The following SVOP variants were observed in gnomAD, a reference collection of about 807,000 sequenced individuals.
SVOP encodes the protein synaptic vesicle 2-related protein.
Under a neutral mutation model 69.1 loss-of-function variants are expected in SVOP, and 17 were observed. The observed-to-expected ratio is 0.25, with a 90% CI of 0.17 to 0.37. SVOP has a LOEUF of 0.37. Among genes scored for constraint, SVOP ranks in the 10% least tolerant of loss-of-function variants. SVOP has a pLI of 1.00. For missense variants in SVOP, 435 were observed against 597.5 expected, an observed-to-expected ratio of 0.73 and a Z score of 2.84; for synonymous variants, 238 against 238.6, an observed-to-expected ratio of 1.00 and a Z score of 0.02.
At chr12:108,968,940 C>G (rs577178671) in intron 5 of SVOP, among the ~76,000 whole-genome samples, 4 of 152,156 alleles carry the variant, frequency 2.6e-5, no homozygotes, top group Non-Finnish European at 5.9e-5. Context: ...ACTACAGGTG[C>G]ATGCCACTGG....
At chr12:108,918,653 T>G (rs1019627122) in intron 13 of SVOP, among the ~76,000 whole-genome samples, 1 of 152,118 alleles carries the variant, frequency 6.6e-6, no homozygotes, top group Non-Finnish European at 1.5e-5. Context: ...CAGAGATCAA[T>G]AGAGGCATAA....
rs559888222 is a variant in SVOP at position 108,928,949 on chromosome 12, C to T, written c.1048+5246G>A. On this transcript the variant is annotated intron_variant, in intron 11 of 15. Coordinates refer to ENST00000610966, the MANE Select transcript of SVOP (RefSeq NM_018711.5). ...CCTATACCCAGAGAAAAAGAAAATCCTTATCTCCAAAGACACAGGGACAGA... is the reference window on the plus strand; with the variant it reads ...CCTATACCCAGAGAAAAAGAAAATCTTTATCTCCAAAGACACAGGGACAGA... Among the ~76,000 whole-genome samples the T allele has an allele frequency of 1.6e-4, 25 of 152,288 alleles. No homozygotes were observed. The South Asian group carries it at 4.1e-3, about 25-fold the overall frequency.
At chr12:108,965,511 G>A (rs766469913) in intron 5 of SVOP, among the ~76,000 whole-genome samples, 39 of 152,200 alleles carry the variant, frequency 2.6e-4, no homozygotes, top group Non-Finnish European at 3.4e-4. Context: ...ATGACAAAAT[G>A]TGGGTTCCAG....
chr12:108,936,978 C>T, intron 10 of SVOP: 2 of 379,264 alleles, frequency 5.3e-6, no homozygotes, highest in Admixed American at 4.0e-5. Context: ...GGGAGGATTG[C>T]TTGAGTTCAG....
intron 6 of SVOP, among the ~76,000 whole-genome samples, chr12:108,956,038 C>T (rs951595042): frequency 8.5e-5 from 13 of 152,100 alleles, no homozygotes; most frequent in East Asian, 5.8e-4. Context: ...CAGTGGCTCA[C>T]GCCTGTAATC....
chr12:108,994,895 G>A (rs1354678889), intron 1 of SVOP, among the ~76,000 whole-genome samples: 6 of 152,156 alleles, frequency 3.9e-5, no homozygotes, highest in African/African-American at 1.4e-4. Flanking sequence ...TCAGCACTTT[G>A]GGAGGCCAAG....
chr12:109,003,248 C>T (rs549124349), intron 1 of SVOP, among the ~76,000 whole-genome samples: 14 of 152,252 alleles, frequency 9.2e-5, no homozygotes, highest in African/African-American at 2.9e-4. Flanking sequence ...AGGGAAGACA[C>T]ATTTTTTTTG....
rs76609278 is a variant in SVOP, at chr12:108,915,795, C to T, written c.1428G>A (p.Pro476=). 40,223 of 1,605,404 alleles carry T rather than the reference C, an allele frequency of 0.025. 698 individuals are homozygous for T. Among genetic ancestry groups the T allele is most frequent in the East Asian group, 0.067 (2,967 of 44,344 alleles). Reference sequence around the variant, plus strand: ...GGGCAGCACCTACCTGGGCGATGAACGGAGTGATGAGAGCACCCACTCTTG... The same window carrying T: ...GGGCAGCACCTACCTGGGCGATGAATGGAGTGATGAGAGCACCCACTCTTG... ...GMARVGALIT[P]FIAQVMLESS... is the part of the protein sequence containing the mutation. Residue 476 remains proline (P), a synonymous_variant, in exon 15 of 16, where the codon CCG becomes CCA. Transcript: ENST00000610966.
intron 11 of SVOP, among the ~76,000 whole-genome samples, chr12:108,927,824 GAGCTCAAGTGATTC>G (rs1265089316): frequency 6.6e-6 from 1 of 151,804 alleles, no homozygotes; most frequent in African/African-American, 2.4e-5. Flanking sequence ...TTGAACTCCT[GAGCTCAAGTGATTC>G]ACCTGCCTCA....
chr12:108,959,813 TC>T (rs1284896465), intron 6 of SVOP, among the ~76,000 whole-genome samples: 1 of 152,220 alleles, frequency 6.6e-6, no homozygotes, highest in East Asian at 1.9e-4. Context: ...TCCTTTGCCT[TC>T]TTAATAGCAA....
Position 108,907,773 on chromosome 12 carries a change from T to C in SVOP, c.*4762A>G, listed in dbSNP as rs2137378552. Reference sequence around the variant, plus strand: ...TGCACCCAGCCAGGACCATGTCTTATGATATTTTGCATCCTCAGTGTTGAA... The same window carrying C: ...TGCACCCAGCCAGGACCATGTCTTACGATATTTTGCATCCTCAGTGTTGAA... On this transcript the variant is annotated 3_prime_UTR_variant, in exon 16 of 16. Coordinates refer to ENST00000610966, the MANE Select transcript of SVOP (RefSeq NM_018711.5). 1 of 152,410 alleles carries C rather than the reference T, an allele frequency of 6.6e-6. No homozygotes were observed. The highest frequency in any genetic ancestry group is 2.1e-4 in the South Asian group (1 of 4,822). The allele number at this position is 152,410 out of a possible 1,614,324, so 9.4% of individuals were successfully genotyped here.
At chr12:108,931,437 C>G (rs1329952766) in intron 11 of SVOP, among the ~76,000 whole-genome samples, 2 of 152,184 alleles carry the variant, frequency 1.3e-5, no homozygotes, top group Non-Finnish European at 2.9e-5. Context: ...AGGTTCCCAC[C>G]TCCAGCTGCA....
At chr12:108,947,022 C>G (rs1338745076) in intron 6 of SVOP, among the ~76,000 whole-genome samples, 2 of 152,086 alleles carry the variant, frequency 1.3e-5, no homozygotes, top group African/African-American at 4.8e-5. Context: ...GCCCGGCCTG[C>G]AACCTGTTAT....
intron 1 of SVOP, among the ~76,000 whole-genome samples, chr12:109,013,913 A>G (rs2040355232): frequency 6.6e-6 from 1 of 151,698 alleles, no homozygotes; most frequent in Admixed American, 6.6e-5. Context: ...TGCTCTAGGC[A>G]CCTCATATAA....
intron 6 of SVOP, 26 bp from the exon 7 acceptor site, chr12:108,945,192 G>A (rs1566053998): frequency 6.5e-7 from 1 of 1,536,218 alleles, no homozygotes; most frequent in South Asian, 1.2e-5. Context: ...GGAAAGAAAG[G>A]GAGTTAAGAT....
At position 108,972,408 on chromosome 12, in the gene SVOP, T is replaced by A; in HGVS notation, c.450A>T (p.Lys150Asn). 1 of 1,537,176 alleles carries A rather than the reference T, an allele frequency of 6.5e-7. No individual in the cohort carries two copies. Among genetic ancestry groups the A allele is most frequent in the Non-Finnish European group, 8.7e-7 (1 of 1,146,888 alleles). The change falls in exon 5 of 16, where the codon AAA (lysine) becomes AAT (asparagine). Residue 150 changes from lysine (K) to asparagine (N), a missense_variant. Coordinates refer to ENST00000610966, the MANE Select transcript of SVOP (RefSeq NM_018711.5). The part of the protein sequence containing the change: ...WGNISDQYGR[K>N]TGLKISVLWT... ...TAGAAGAGTAAGTTTGCCTTACTGT[T>A]TTCCTGCCGTACTGGTCTGAGATAT...
intron 12 of SVOP, among the ~76,000 whole-genome samples, chr12:108,922,340 C>T (rs1391292231): frequency 2.6e-5 from 4 of 152,176 alleles, no homozygotes; most frequent in Admixed American, 2.0e-4. Context: ...GTGTAGCCTC[C>T]ACGTGGGTCC....
At chr12:109,009,072 A>T (rs1040790828) in intron 1 of SVOP, among the ~76,000 whole-genome samples, 1 of 143,332 alleles carries the variant, frequency 7.0e-6, no homozygotes, top group Non-Finnish European at 1.5e-5. Context: ...AGAGATTCTC[A>T]TGCTTCAGCC....
In SVOP at chr12:108,924,118, G is replaced by A. The variant is rs566042486; in HGVS notation, c.1049-1321C>T. Among the ~76,000 whole-genome samples, 13 of 152,286 alleles carry A rather than the reference G, an allele frequency of 8.5e-5. 2 individuals are homozygous for A. The South Asian group carries it at 2.7e-3, about 32-fold the overall frequency. ...GAGCTCCCCAGCCCTTATGCCATCT[G>A]AGGACACAGTGTTTGCCCCTTTTAT... On this transcript the variant is annotated intron_variant, in intron 11 of 15. Transcript: ENST00000610966.
Sources: gnomAD v4.1 joint callset for allele counts (sites outside exome capture counted in the v4.1 genomes callset) on GRCh38, gnomAD v4.1.1 for gene constraint, MANE v1.5 for transcripts, NCBI Gene and HGNC (gene_info 2026-07-23, HGNC 2026-07-21) for gene names.